BCAS1: variants seen among roughly 807,000 people sequenced by gnomAD.
BCAS1 encodes breast carcinoma-amplified sequence 1.
Under a neutral mutation model 65.4 loss-of-function variants are expected in BCAS1, and 46 were observed. The ratio of observed to expected loss-of-function variants is 0.70; its 90% CI spans 0.55 to 0.90. BCAS1 has a LOEUF of 0.90. Among genes scored for constraint, BCAS1 ranks in the 40% least tolerant of loss-of-function variants. The pLI is 0.00. For missense variants in BCAS1, 793 were observed against 771.2 expected (o/e 1.03, Z -0.33); for synonymous variants, 298 against 293.5 (o/e 1.02, Z -0.16).
Position 54,028,572 on chromosome 20 carries a change from T to A in BCAS1, c.543A>T (p.Gly181=). 1 of 1,614,176 alleles carries A rather than the reference T, an allele frequency of 6.2e-7. No individual in the cohort carries two copies. Among genetic ancestry groups the A allele is most frequent in the Non-Finnish European group, 8.5e-7 (1 of 1,180,012 alleles). Residue 181 remains glycine (G), a synonymous_variant, in exon 4 of 13, where the codon GGA becomes GGT. Coordinates refer to ENST00000688948, the MANE Select transcript of BCAS1 (RefSeq NM_001366298.2). The part of the protein sequence containing the change: ...TLLPPETGGA[G]GEAPSKPKDS... ...CCTTGGGCTTGGAGGGAGCTTCTCC[T>A]CCTGCTCCCCCTGTCTCAGGTGGGA...
chr20:54,032,640 C>A (rs1329014936), intron 3 of BCAS1, among the ~76,000 whole-genome samples: 1 of 151,122 alleles, frequency 6.6e-6, no homozygotes, highest in Non-Finnish European at 1.5e-5. Context: ...ATCTACCAAG[C>A]AAATAGAAAA....
In BCAS1 at chr20:53,950,156, T is replaced by C. The variant is rs3753139; in HGVS notation, c.1815+3276A>G. ...CATTCCTTGCACAGCCCGTACAGCC[T>C]GCATGAGGAGGTCCCCGCCCACGGC... On this transcript the variant is annotated intron_variant, in intron 12 of 12. Coordinates refer to ENST00000688948, the MANE Select transcript of BCAS1 (RefSeq NM_001366298.2). Among the ~76,000 whole-genome samples, 88 of 79,474 alleles carry C rather than the reference T, an allele frequency of 1.1e-3. 1 individual carries two copies. The highest frequency in any genetic ancestry group is 8.3e-3 in the Admixed American group (70 of 8,426). The allele number at this position is 79,474 out of a possible 152,430, so 52.1% of individuals were successfully genotyped here. A position where few individuals can be genotyped will look rare whatever the true frequency, so the allele number is the denominator to read the frequency against.
At chr20:54,026,258 A>G (rs1007878773) in intron 4 of BCAS1, among the ~76,000 whole-genome samples, 2 of 152,206 alleles carry the variant, frequency 1.3e-5, no homozygotes, top group African/African-American at 2.4e-5. Flanking sequence ...TCCTAACACA[A>G]GCTCCCATTT....
At chr20:54,029,543 C>T (rs532066155) in intron 3 of BCAS1, among the ~76,000 whole-genome samples, 20 of 152,180 alleles carry the variant, frequency 1.3e-4, no homozygotes, top group African/African-American at 4.6e-4. Context: ...AAATCTCTTA[C>T]GTTTGAGAGG....
At chr20:54,069,355 A>G (rs974893830) in intron 1 of BCAS1, among the ~76,000 whole-genome samples, 2 of 152,204 alleles carry the variant, frequency 1.3e-5, no homozygotes, top group African/African-American at 2.4e-5. Context: ...ATCTTTCTGT[A>G]ACATGTTCAT....
chr20:53,960,372 GGCTGT>G (rs2089837059), intron 10 of BCAS1, among the ~76,000 whole-genome samples: 2 of 150,044 alleles, frequency 1.3e-5, no homozygotes, highest in South Asian at 4.2e-4. Context: ...TGAATCAGAA[GGCTGT>G]GTTGACAGCA....
intron 3 of BCAS1, 31 bp downstream of exon 3, chr20:54,058,054 G>A: frequency 6.4e-7 from 1 of 1,563,580 alleles, no homozygotes; most frequent in African/African-American, 1.4e-5. Context: ...CCCCACGAGA[G>A]GGTAGATGCC....
At chr20:53,957,589 A>T (rs1003790855) in intron 10 of BCAS1, 92 bp from the exon 11 acceptor site, 1 of 1,215,656 alleles carries the variant, frequency 8.2e-7, no homozygotes, top group African/African-American at 1.5e-5. Context: ...TCAGTCATTT[A>T]TCATTGAGGT....
chr20:54,034,915 T>A (rs1462207988), intron 3 of BCAS1, among the ~76,000 whole-genome samples: 1 of 151,404 alleles, frequency 6.6e-6, no homozygotes, highest in East Asian at 1.9e-4. Context: ...CAAAACAGCA[T>A]ACTACTGGTA....
chr20:53,956,075 C>T (rs1471119744), intron 11 of BCAS1, among the ~76,000 whole-genome samples: 1 of 152,152 alleles, frequency 6.6e-6, no homozygotes, highest in Non-Finnish European at 1.5e-5. Flanking sequence ...TGGAAATTCC[C>T]TATCAGCAGC....
At chr20:54,013,828 G>C (rs979126120) in intron 4 of BCAS1, among the ~76,000 whole-genome samples, 4 of 152,144 alleles carry the variant, frequency 2.6e-5, no homozygotes, top group Admixed American at 6.5e-5. Flanking sequence ...ATAGAACAGA[G>C]TGCATATTAT....
chr20:53,955,748 A>G (rs1225973847), intron 11 of BCAS1, among the ~76,000 whole-genome samples: 1 of 152,250 alleles, frequency 6.6e-6, no homozygotes, highest in African/African-American at 2.4e-5. Context: ...GGCTCCGGAA[A>G]ATAAAATTCC....
Position 54,058,125 on chromosome 20 carries a change from T to G in BCAS1, c.102A>C (p.Pro34=). ...GAACTGTGTGGGTCGACACCACCACTGGAACCCCGTTCAGAGCAGACGCGT... is the reference window on the plus strand; with the variant it reads ...GAACTGTGTGGGTCGACACCACCACGGGAACCCCGTTCAGAGCAGACGCGT... ...QDNASALNGV[P]VVVSTHTVQH... Residue 34 remains proline, a synonymous_variant, in exon 3 of 13, where the codon CCA becomes CCC. Coordinates refer to ENST00000688948, the MANE Select transcript of BCAS1 (RefSeq NM_001366298.2). 1 of 1,613,940 alleles carries G rather than the reference T, an allele frequency of 6.2e-7. No individual in the cohort carries two copies. Among genetic ancestry groups the G allele is most frequent in the Non-Finnish European group, 8.5e-7 (1 of 1,179,962 alleles).
At chr20:53,964,125 ACCACATGT>A (rs199869621) in intron 10 of BCAS1, among the ~76,000 whole-genome samples, 2,366 of 152,372 alleles carry the variant, frequency 0.016, 30 homozygotes, top group Non-Finnish European at 0.026. Context: ...TTGAAAACAT[ACCACATGT>A]CCATCCATTG....
At chr20:54,057,814 G>A (rs1325563580) in intron 3 of BCAS1, among the ~76,000 whole-genome samples, 2 of 152,148 alleles carry the variant, frequency 1.3e-5, no homozygotes, top group African/African-American at 4.8e-5. Flanking sequence ...CAATGAGAGG[G>A]GCGTGGAACA....
intron 4 of BCAS1, among the ~76,000 whole-genome samples, chr20:54,013,353 G>A (rs895909706): frequency 1.3e-5 from 2 of 152,212 alleles, no homozygotes; most frequent in African/African-American, 2.4e-5. Context: ...TTTGGATTGA[G>A]AAGGCTTTTG....
At chr20:54,049,518 G>C (rs189088539) in intron 3 of BCAS1, among the ~76,000 whole-genome samples, 1 of 152,020 alleles carries the variant, frequency 6.6e-6, no homozygotes, top group African/African-American at 2.4e-5. Flanking sequence ...ATCTGGTCAG[G>C]TGATATGTCA....
At chr20:53,994,537 T>C (rs1405513316) in intron 6 of BCAS1, among the ~76,000 whole-genome samples, 2 of 152,220 alleles carry the variant, frequency 1.3e-5, no homozygotes, top group Non-Finnish European at 2.9e-5. Context: ...TCAAATTACA[T>C]TGAAAAATAA....
At chr20:53,999,765 CTG>C (rs2091010943) in intron 4 of BCAS1, among the ~76,000 whole-genome samples, 1 of 152,126 alleles carries the variant, frequency 6.6e-6, no homozygotes, top group Non-Finnish European at 1.5e-5. Flanking sequence ...GAGTCTCACT[CTG>C]TCACCCAGGC....
Sources: gnomAD v4.1 joint callset for allele counts (sites outside exome capture counted in the v4.1 genomes callset) on GRCh38, gnomAD v4.1.1 for gene constraint, MANE v1.5 for transcripts, NCBI Gene and HGNC (gene_info 2026-07-23, HGNC 2026-07-21) for gene names.